SCGB2B2: variants seen among roughly 807,000 people sequenced by gnomAD.
SCGB2B2 encodes the protein secretoglobin-like protein.
SCGB2B2 carries 11 observed loss-of-function variants against 7.6 expected under a neutral mutation model. The observed-to-expected ratio is 1.45, with a 90% confidence interval of 0.91 to 2.40. SCGB2B2 has a LOEUF of 2.40. Ranked by LOEUF, SCGB2B2 falls within the 30% of genes most tolerant of loss-of-function variation. The pLI is 0.00. For missense variants in SCGB2B2, 104 were observed against 115.4 expected (o/e 0.90, Z 0.45); for synonymous variants, 50 against 48.6 (o/e 1.03, Z -0.12).
intron 1 of SCGB2B2, among the ~76,000 whole-genome samples, chr19:34,607,447 T>G (rs1226162990): frequency 6.6e-6 from 1 of 152,232 alleles, no homozygotes; most frequent in Non-Finnish European, 1.5e-5. Context: ...TTGATGTTAT[T>G]TCCTTTAGAT....
Position 34,658,822 on chromosome 19 carries a change from A to C in SCGB2B2, c.-2032+16808T>G, listed in dbSNP as rs1399587113. Reference sequence around the variant, plus strand: ...ACAACAACAACAACAACAAAAAAAAAAAAAAAAAAAAAAGAGAGAGAATTT... The same window carrying C: ...ACAACAACAACAACAACAAAAAAAACAAAAAAAAAAAAAGAGAGAGAATTT... On this transcript the variant is annotated intron_variant, in intron 1 of 3. Coordinates refer to ENST00000601241, the MANE Select transcript of SCGB2B2 (RefSeq NM_001025591.4). Among the ~76,000 whole-genome samples the C allele has an allele frequency of 1.3e-3, 149 of 117,364 alleles. No homozygotes were observed. In the Middle Eastern group the frequency reaches 0.014, roughly 11 times the overall value. 77.0% of individuals were successfully genotyped at this position (117,364 alleles called of 152,430 possible).
intron 1 of SCGB2B2, among the ~76,000 whole-genome samples, chr19:34,611,622 T>C (rs2065929372): frequency 6.6e-6 from 1 of 150,694 alleles, no homozygotes; most frequent in Admixed American, 6.7e-5. Context: ...ATTTCTATTT[T>C]AATTTGTTTC....
intron 1 of SCGB2B2, among the ~76,000 whole-genome samples, chr19:34,627,318 T>C (rs2066406897): frequency 6.6e-6 from 1 of 152,132 alleles, no homozygotes; most frequent in African/African-American, 2.4e-5. Flanking sequence ...ACTGGCAAAT[T>C]GGATAAAGAG....
intron 1 of SCGB2B2, among the ~76,000 whole-genome samples, chr19:34,649,062 C>T (rs1380929281): frequency 6.6e-6 from 1 of 152,084 alleles, no homozygotes; most frequent in Non-Finnish European, 1.5e-5. Context: ...GCCACCACAC[C>T]CAGCTGATTT....
At chr19:34,639,059 C>G (rs73040301) in intron 1 of SCGB2B2, among the ~76,000 whole-genome samples, 10,377 of 152,220 alleles carry the variant, frequency 0.068, 491 homozygotes, top group East Asian at 0.28. Context: ...TCCTGAAAGC[C>G]GTATCCTTTT....
intron 1 of SCGB2B2, among the ~76,000 whole-genome samples, chr19:34,663,357 G>C (rs1316322902): frequency 2.6e-5 from 4 of 152,200 alleles, no homozygotes; most frequent in African/African-American, 9.6e-5. Context: ...CATGATAATA[G>C]AATCAGTACA....
intron 1 of SCGB2B2, among the ~76,000 whole-genome samples, chr19:34,666,630 C>T (rs2067632074): frequency 6.6e-6 from 1 of 152,172 alleles, no homozygotes; most frequent in Admixed American, 6.5e-5. Flanking sequence ...GGGCCTGCCC[C>T]CAGGACCCTG....
At chr19:34,661,572 G>A (rs191762054) in intron 1 of SCGB2B2, among the ~76,000 whole-genome samples, 210 of 152,334 alleles carry the variant, frequency 1.4e-3, no homozygotes, top group African/African-American at 4.6e-3. Flanking sequence ...TGTACTCAAC[G>A]CAGTGCCACA....
chr19:34,608,885 G>GT (rs989959389), intron 1 of SCGB2B2: 1 of 151,104 alleles, frequency 6.6e-6, no homozygotes. Flanking sequence ...TTCTATTTTT[G>GT]TTTTTTTGAG....
intron 1 of SCGB2B2, among the ~76,000 whole-genome samples, chr19:34,664,889 T>G (rs1401653244): frequency 6.6e-6 from 1 of 151,816 alleles, no homozygotes; most frequent in Non-Finnish European, 1.5e-5. Context: ...CCCTCTTTCT[T>G]CATCCTCCAG....
chr19:34,658,834 A>AAAAAAAAAAAAAAAAAAAAAAG (rs1555749405), intron 1 of SCGB2B2, among the ~76,000 whole-genome samples: 1 of 118,754 alleles, frequency 8.4e-6, no homozygotes, highest in Non-Finnish European at 1.9e-5. Flanking sequence ...AAAAAAAAAA[A>AAAAAAAAAAAAAAAAAAAAAAG]AGAGAGAGAA....
chr19:34,604,150 G>C (rs2065711885), intron 1 of SCGB2B2, among the ~76,000 whole-genome samples: 1 of 151,904 alleles, frequency 6.6e-6, no homozygotes, highest in South Asian at 2.1e-4. Context: ...TCATCATTCA[G>C]TGTCCATACA....
chr19:34,676,263 ACCTGATCCAG>A lies in SCGB2B2; in HGVS notation c.-2675_-2666del, dbSNP rs1465077418. On this transcript the variant is annotated 5_prime_UTR_variant, in exon 1 of 4. Transcript: ENST00000601241. ...ATACAGAAAAGTTCTCCAAGGCCCCACCTGATCCAGAAGCCCAGCTGGCTTCACCTCTCGG... is the reference window on the plus strand; with the variant it reads ...ATACAGAAAAGTTCTCCAAGGCCCCAAAGCCCAGCTGGCTTCACCTCTCGG... The A allele has an allele frequency of 2.0e-5, 3 of 152,146 alleles. No individual in the cohort carries two copies. The highest frequency in any genetic ancestry group is 2.0e-4 in the Admixed American group (3 of 15,264). 9.4% of individuals were successfully genotyped at this position (152,146 alleles called of 1,614,324 possible).
chr19:34,593,919 C>A (rs1235679589), intron 3 of SCGB2B2, among the ~76,000 whole-genome samples: 1 of 152,114 alleles, frequency 6.6e-6, no homozygotes, highest in Admixed American at 6.5e-5. Flanking sequence ...TGGTTCCCTG[C>A]ATGCCTAGGC....
chr19:34,600,038 GTTT>G (rs113461309), intron 1 of SCGB2B2, among the ~76,000 whole-genome samples: 2 of 151,432 alleles, frequency 1.3e-5, no homozygotes, highest in African/African-American at 2.4e-5. Context: ...TGATTTTATG[GTTT>G]TTTTTTATTA....
intron 1 of SCGB2B2, among the ~76,000 whole-genome samples, chr19:34,600,494 C>T (rs1055130019): frequency 2.6e-5 from 4 of 152,198 alleles, no homozygotes; most frequent in African/African-American, 9.7e-5. Flanking sequence ...TTGTACAATG[C>T]ACTTCCCCAG....
At chr19:34,625,188 G>C (rs914415089) in intron 1 of SCGB2B2, among the ~76,000 whole-genome samples, 2 of 152,208 alleles carry the variant, frequency 1.3e-5, no homozygotes, top group South Asian at 4.1e-4. Context: ...AGCTCCCAGC[G>C]TGAGTGATGC....
intron 1 of SCGB2B2, among the ~76,000 whole-genome samples, chr19:34,600,723 AT>A (rs34456673): frequency 6.6e-6 from 1 of 151,462 alleles, no homozygotes; most frequent in East Asian, 1.9e-4. Flanking sequence ...GTTCTTTTCT[AT>A]TTTTTCCACC....
chr19:34,638,565 G>A (rs562870623), intron 1 of SCGB2B2, among the ~76,000 whole-genome samples: 5 of 151,810 alleles, frequency 3.3e-5, no homozygotes, highest in Admixed American at 6.6e-5. Flanking sequence ...ATATTTCCAC[G>A]GCCAACTGTA....
Sources: allele counts gnomAD v4.1 joint callset (sites outside exome capture counted in the v4.1 genomes callset), GRCh38; gene constraint gnomAD v4.1.1; transcripts MANE v1.5; gene names NCBI Gene and HGNC (gene_info 2026-07-23, HGNC 2026-07-21).